DNAAF11: variants seen among roughly 807,000 people sequenced by gnomAD.
DNAAF11 encodes dynein axonemal assembly factor 11.
Under a neutral mutation model 60.8 loss-of-function variants are expected in DNAAF11, and 45 were observed. The ratio of observed to expected loss-of-function variants is 0.74; its 90% CI spans 0.58 to 0.95. DNAAF11 has a LOEUF of 0.95. DNAAF11 is among the 40% of genes least tolerant of loss of function. The pLI is 0.00. For missense variants in DNAAF11, 546 were observed against 546.2 expected (o/e 1.00, Z 0.00); for synonymous variants, 191 against 183.5 (o/e 1.04, Z -0.33).
the DNAAF11 span, among the ~76,000 whole-genome samples, chr8:132,680,817 G>T: frequency 2.7e-5 from 4 of 148,830 alleles, no homozygotes; most frequent in African/African-American, 1.0e-4. Flanking sequence ...TATTTATTGA[G>T]TACCTTCCAT....
chr8:132,615,149 T>A (rs772224728), intron 7 of DNAAF11, 52 bp from the exon 8 acceptor site: 2 of 1,037,660 alleles, frequency 1.9e-6, no homozygotes, highest in Admixed American at 2.0e-5. Flanking sequence ...GGATACTGTA[T>A]AGAAAACCCC....
intron 10 of DNAAF11, among the ~76,000 whole-genome samples, chr8:132,595,277 T>C (rs768640569): frequency 3.5e-5 from 5 of 142,046 alleles, no homozygotes; most frequent in Non-Finnish European, 7.5e-5. Context: ...TCCAGAACCT[T>C]ATAGGAATTT....
At chr8:132,636,440 T>C (rs1020190019) in intron 4 of DNAAF11, among the ~76,000 whole-genome samples, 1 of 152,212 alleles carries the variant, frequency 6.6e-6, no homozygotes, top group African/African-American at 2.4e-5. Context: ...GTTCATTCCC[T>C]GAGCCCTGAC....
chr8:132,665,869 G>C (rs375397239), intron 1 of DNAAF11, among the ~76,000 whole-genome samples: 3 of 152,296 alleles, frequency 2.0e-5, no homozygotes, highest in South Asian at 4.1e-4. Context: ...ACAGCGGATT[G>C]GATAGAGAAA....
intron 3 of DNAAF11, among the ~76,000 whole-genome samples, chr8:132,651,621 A>T (rs1048096668): frequency 2.0e-5 from 3 of 152,138 alleles, no homozygotes; most frequent in Non-Finnish European, 4.4e-5. Flanking sequence ...AAAAGACAAT[A>T]GTGACGATGC....
In DNAAF11 at chr8:132,656,827, T is replaced by C. The variant is rs1158660794; in HGVS notation, c.256+3A>G. 3 of 1,239,514 alleles carry C rather than the reference T, an allele frequency of 2.4e-6. No homozygotes were observed. Among genetic ancestry groups the C allele is most frequent in the Non-Finnish European group, 3.5e-6 (3 of 861,592 alleles). The allele number at this position is 1,239,514 out of a possible 1,614,324, so 76.8% of individuals were successfully genotyped here. ...AATAGCATAATAGAAGAAACAGTCTTACCTTCCAAGTTTTCTATTTTTTCA... is the reference window on the plus strand; with the variant it reads ...AATAGCATAATAGAAGAAACAGTCTCACCTTCCAAGTTTTCTATTTTTTCA... On this transcript the variant is annotated splice_donor_region_variant and intron_variant, in intron 3 of 11. Transcript: ENST00000620350.
At chr8:132,626,057 C>CT (rs369174674) in intron 5 of DNAAF11, among the ~76,000 whole-genome samples, 11,536 of 148,042 alleles carry the variant, frequency 0.078, 1,107 homozygotes, top group African/African-American at 0.23. Flanking sequence ...TCTTTTTTTT[C>CT]TTTTTTTTTT....
At chr8:132,698,377 G>GC in the DNAAF11 span, among the ~76,000 whole-genome samples, 70,595 of 151,944 alleles carry the variant, frequency 0.46, 19,490 homozygotes, top group African/African-American at 0.79. Context: ...CCAGCCAGCT[G>GC]CCACCCCTTG....
chr8:132,655,146 T>C (rs1823417219), intron 3 of DNAAF11, among the ~76,000 whole-genome samples: 1 of 151,110 alleles, frequency 6.6e-6, no homozygotes, highest in Non-Finnish European at 1.5e-5. Context: ...TGGTAAAGAA[T>C]GAGATAACCT....
chr8:132,589,350 T>G (rs1275808331), intron 10 of DNAAF11, among the ~76,000 whole-genome samples: 1 of 152,164 alleles, frequency 6.6e-6, no homozygotes, highest in Non-Finnish European at 1.5e-5. Context: ...ATTTATTTCA[T>G]GGCACTTGGA....
At chr8:132,591,838 AAAT>A (rs1816499110) in intron 10 of DNAAF11, among the ~76,000 whole-genome samples, 1 of 152,160 alleles carries the variant, frequency 6.6e-6, no homozygotes, top group South Asian at 2.1e-4. Context: ...GTAAATAATG[AAAT>A]AATTATTTAA....
chr8:132,612,199 G>C (rs1818733281), intron 8 of DNAAF11, among the ~76,000 whole-genome samples: 1 of 151,988 alleles, frequency 6.6e-6, no homozygotes, highest in African/African-American at 2.4e-5. Context: ...TGTAAAATGG[G>C]GATACTACTA....
chr8:132,572,263 T>G lies in DNAAF11; in HGVS notation c.*43A>C, dbSNP rs1357422913. 8 of 1,578,384 alleles carry G rather than the reference T, an allele frequency of 5.1e-6. No individual in the cohort carries two copies. The African/African-American group carries it at 9.5e-5, about 19-fold the overall frequency. On this transcript the variant is annotated 3_prime_UTR_variant, in exon 12 of 12. Transcript: ENST00000620350. ...ATATGGTCTCTACACCAACCAAAAC[T>G]GGACCTGGTGGGTCTCAGCCAATGG...
chr8:132,702,782 A>G, the DNAAF11 span, among the ~76,000 whole-genome samples: 482 of 152,314 alleles, frequency 3.2e-3, 2 homozygotes, highest in African/African-American at 9.5e-3. Flanking sequence ...AAGTGAAAGC[A>G]GTTAAGTAGC....
At chr8:132,577,554 G>A (rs1199108076) in intron 11 of DNAAF11, among the ~76,000 whole-genome samples, 2 of 152,182 alleles carry the variant, frequency 1.3e-5, no homozygotes, top group African/African-American at 2.4e-5. Flanking sequence ...GACCAGTTAT[G>A]ACTAAGTTTT....
At chr8:132,674,349 CCG>C (rs1825562592) in intron 1 of DNAAF11, among the ~76,000 whole-genome samples, 1 of 152,064 alleles carries the variant, frequency 6.6e-6, no homozygotes, top group Admixed American at 6.5e-5. Flanking sequence ...TCACTCCCCC[CCG>C]ACCCCCACCT....
chr8:132,637,102 T>C (rs1821376858), intron 4 of DNAAF11, among the ~76,000 whole-genome samples: 1 of 152,206 alleles, frequency 6.6e-6, no homozygotes, highest in South Asian at 2.1e-4. Context: ...TCCTCAGTTC[T>C]AAAATTACTC....
At chr8:132,686,489 C>T in the DNAAF11 span, among the ~76,000 whole-genome samples, 14 of 152,146 alleles carry the variant, frequency 9.2e-5, no homozygotes, top group African/African-American at 3.4e-4. Context: ...GCAGTATTTC[C>T]ACAATACTGG....
In DNAAF11 at chr8:132,652,839, TAGATGACG is replaced by T. The variant is rs1442482731; in HGVS notation, c.256+3983_256+3990del. ...ATAGCATTAGGAGAAGTACCTAATG[TAGATGACG>T]GGTTGATGGGTGCAGCAAACCACCA... On this transcript the variant is annotated intron_variant, in intron 3 of 11. Transcript: ENST00000620350. Among the ~76,000 whole-genome samples, 13 of 152,132 alleles carry T rather than the reference TAGATGACG, an allele frequency of 8.5e-5. No homozygotes were observed. The East Asian group carries it at 2.1e-3, about 25-fold the overall frequency.
Sources: allele counts gnomAD v4.1 joint callset (sites outside exome capture counted in the v4.1 genomes callset), GRCh38; gene constraint gnomAD v4.1.1; transcripts MANE v1.5; gene names NCBI Gene and HGNC (gene_info 2026-07-23, HGNC 2026-07-21).